The following IL1RAPL2 variants were observed in gnomAD, a reference collection of about 807,000 sequenced individuals.
IL1RAPL2 encodes the protein X-linked interleukin-1 receptor accessory protein-like 2.
In IL1RAPL2, 3 loss-of-function variants were observed where a neutral mutation model predicts 44.1. The ratio of observed to expected loss-of-function variants is 0.07; its 90% CI spans 0.03 to 0.18. The LOEUF (loss-of-function observed/expected upper bound fraction) is 0.18, where lower values mean the gene tolerates loss of function less well. IL1RAPL2 is among the 10% of genes least tolerant of loss of function. The pLI is 1.00. For missense variants in IL1RAPL2, 391 were observed against 496.4 expected (o/e 0.79, Z 2.02); for synonymous variants, 181 against 178.8 (o/e 1.01, Z -0.10).
chrX:105,460,731 A>G (rs774400912), intron 5 of IL1RAPL2, among the ~76,000 whole-genome samples: 3 of 111,964 alleles, frequency 2.7e-5, no homozygotes, highest in African/African-American at 3.2e-5. Flanking sequence ...AGGCAAGAAA[A>G]GTTTTCTAGT....
At position 105,685,562 on chromosome X, in the gene IL1RAPL2, A is replaced by G. The variant is rs113787527; in HGVS notation, c.773-31805A>G. 1.3e-3 allele frequency among the ~76,000 whole-genome samples: 147 copies of G among 112,141 alleles called. 2 individuals carry two copies. Among genetic ancestry groups the G allele is most frequent in the African/African-American group, 4.6e-3 (142 of 30,919 alleles). The stretch of plus-strand genomic sequence containing the variant: ...AAATATGGATCTATGTGAAGAGACC[A>G]AATCTACATTTGATTGGTGTACCTG... On this transcript the variant is annotated intron_variant, in intron 6 of 10. Transcript: ENST00000372582.
Position 105,416,403 on chromosome X carries a change from C to T in IL1RAPL2, c.698-67910C>T, listed in dbSNP as rs776718219. On this transcript the variant is annotated intron_variant, in intron 5 of 10. Transcript: ENST00000372582. ...ATCATCGCATCTCCAATCAGATTGCCTGAGTTCAAATGTTCTTTTCACGAC... is the reference window on the plus strand; with the variant it reads ...ATCATCGCATCTCCAATCAGATTGCTTGAGTTCAAATGTTCTTTTCACGAC... 2.3e-3 allele frequency among the ~76,000 whole-genome samples: 257 copies of T among 111,901 alleles called. 1 individual carries two copies. In the Middle Eastern group the frequency reaches 0.028, roughly 12 times the overall value.
At chrX:105,765,423 A>C (rs1317939928) in intron 10 of IL1RAPL2, 1 of 111,638 alleles carries the variant, frequency 9.0e-6, no homozygotes. Context: ...GTTTTTGCAG[A>C]TTTCACTGCT....
At chrX:105,447,350 TATATAAATATATAA>T (rs1457139100) in intron 5 of IL1RAPL2, among the ~76,000 whole-genome samples, 144 of 65,024 alleles carry the variant, frequency 2.2e-3, no homozygotes, top group Non-Finnish European at 3.3e-3. Flanking sequence ...AATATATAAA[TATATAAATATATAA>T]ATATAAATAT....
At chrX:104,795,552 G>A (rs916255615) in intron 2 of IL1RAPL2, among the ~76,000 whole-genome samples, 1 of 110,437 alleles carries the variant, frequency 9.1e-6, no homozygotes, top group Admixed American at 9.7e-5. Context: ...GATGGATCAA[G>A]TTGTTAGAAA....
intron 2 of IL1RAPL2, among the ~76,000 whole-genome samples, chrX:105,102,896 G>A (rs909851514): frequency 2.7e-5 from 3 of 111,082 alleles, no homozygotes; most frequent in African/African-American, 6.6e-5. Context: ...TTGGAATGAG[G>A]GGTAAGAAAG....
chrX:105,255,946 G>C (rs893801184), intron 4 of IL1RAPL2, among the ~76,000 whole-genome samples: 1 of 112,224 alleles, frequency 8.9e-6, no homozygotes, highest in Non-Finnish European at 1.9e-5. Flanking sequence ...TTTATGTGAT[G>C]AATCACATTT....
rs754935215 is a variant in IL1RAPL2, at chrX:105,268,734, C to G, written c.697+1193C>G. On this transcript the variant is annotated intron_variant, in intron 5 of 10. Coordinates refer to ENST00000372582, the MANE Select transcript of IL1RAPL2 (RefSeq NM_017416.2). ...AGTGAGCTGAAATCACGCCACTTCA[C>G]TCCAGCCTAGGCAACAGAGCAAGAC... 1.4e-4 allele frequency among the ~76,000 whole-genome samples: 16 copies of G among 111,429 alleles called. No individual in the cohort carries two copies. In the East Asian group the frequency reaches 4.2e-3, roughly 30 times the overall value.
intron 5 of IL1RAPL2, among the ~76,000 whole-genome samples, chrX:105,299,525 C>G (rs1480649018): frequency 9.0e-6 from 1 of 111,441 alleles, no homozygotes; most frequent in Non-Finnish European, 1.9e-5. Flanking sequence ...TCATGCTAAT[C>G]TTGTTCCTCT....
chrX:105,491,563 T>C (rs1453299058), intron 6 of IL1RAPL2, among the ~76,000 whole-genome samples: 1 of 112,245 alleles, frequency 8.9e-6, no homozygotes, highest in Admixed American at 9.5e-5. Flanking sequence ...TCAGTTTTCT[T>C]GGCACACGTA....
At chrX:105,060,466 C>T (rs73520258) in intron 2 of IL1RAPL2, among the ~76,000 whole-genome samples, 7,376 of 110,529 alleles carry the variant, frequency 0.067, 664 homozygotes, top group African/African-American at 0.23. Context: ...TTGGTCATGA[C>T]GTATGATCTT....
chrX:104,661,374 A>G (rs1270586669), intron 2 of IL1RAPL2, among the ~76,000 whole-genome samples: 1 of 111,346 alleles, frequency 9.0e-6, no homozygotes, highest in African/African-American at 3.3e-5. Context: ...TATGGTGTAT[A>G]CGGAGTAGGC....
chrX:105,564,613 TATA>T (rs2036961863), intron 6 of IL1RAPL2, among the ~76,000 whole-genome samples: 1 of 111,856 alleles, frequency 8.9e-6, no homozygotes, highest in African/African-American at 3.3e-5. Context: ...TTTTTAATAG[TATA>T]GTAGTAACAC....
At chrX:105,308,133 A>G (rs1569421725) in intron 5 of IL1RAPL2, among the ~76,000 whole-genome samples, 1 of 111,357 alleles carries the variant, frequency 9.0e-6, no homozygotes, top group Non-Finnish European at 1.9e-5. Flanking sequence ...TCCAGTTTCA[A>G]TCCACCACCA....
At chrX:105,104,986 C>A (rs145302500) in intron 2 of IL1RAPL2, among the ~76,000 whole-genome samples, 2 of 111,653 alleles carry the variant, frequency 1.8e-5, no homozygotes, top group Non-Finnish European at 3.8e-5. Context: ...TTGAAAGCCC[C>A]CTGATAACAA....
chrX:104,683,078 G>C (rs1235347015), intron 2 of IL1RAPL2, among the ~76,000 whole-genome samples: 1 of 111,253 alleles, frequency 9.0e-6, no homozygotes, highest in Non-Finnish European at 1.9e-5. Context: ...GAAATGCTCT[G>C]CTGTATACCT....
Position 104,778,676 on chromosome X carries a change from T to A in IL1RAPL2, c.82+119681T>A, listed in dbSNP as rs866520763. 3.7e-4 allele frequency among the ~76,000 whole-genome samples: 40 copies of A among 106,862 alleles called. No individual in the cohort carries two copies. The Middle Eastern group carries it at 0.024, about 64-fold the overall frequency. 92.8% of individuals were successfully genotyped at this position (106,862 alleles called of 115,157 possible). A position where few individuals can be genotyped will look rare whatever the true frequency, so the allele number is the denominator to read the frequency against. On this transcript the variant is annotated intron_variant, in intron 2 of 10. Transcript: ENST00000372582. ...CTTTCAATTATTATTTATTATTATT[T>A]ATATATATAAAATTTGAGATATATA...
intron 6 of IL1RAPL2, among the ~76,000 whole-genome samples, chrX:105,570,235 G>C (rs192679397): frequency 9.0e-6 from 1 of 111,582 alleles, no homozygotes; most frequent in African/African-American, 3.3e-5. Flanking sequence ...TTCCATTCCT[G>C]AGTTACTTCC....
At chrX:104,607,324 C>G (rs990040884) in intron 1 of IL1RAPL2, among the ~76,000 whole-genome samples, 1 of 111,929 alleles carries the variant, frequency 8.9e-6, no homozygotes, top group Admixed American at 9.5e-5. Context: ...AGGACATAGG[C>G]ATGCACAAAG....
Sources: gnomAD v4.1 joint callset for allele counts (sites outside exome capture counted in the v4.1 genomes callset) on GRCh38, gnomAD v4.1.1 for gene constraint, MANE v1.5 for transcripts, NCBI Gene and HGNC (gene_info 2026-07-23, HGNC 2026-07-21) for gene names.